Variants in ABCC1 observed in about 807,000 individuals in gnomAD.
ABCC1 encodes ATP binding cassette subfamily C member 1 (ABCC1 blood group), also known as multidrug resistance-associated protein 1.
In ABCC1, 83 loss-of-function variants were observed where a neutral mutation model predicts 172.9. The observed-to-expected ratio is 0.48, with a 90% CI of 0.40 to 0.58. The LOEUF (loss-of-function observed/expected upper bound fraction) is 0.58. Ranked by LOEUF, ABCC1 falls within the 20% of genes least tolerant of loss-of-function variation. The probability of loss-of-function intolerance (pLI) is 0.00; values close to 1 mark genes in which losing one functional copy is unlikely to be tolerated. For synonymous variants in ABCC1, 937 were observed against 825.2 expected, an observed-to-expected ratio of 1.14 and a Z score of -2.32; for missense variants, 1,817 against 2,002.7, an observed-to-expected ratio of 0.91 and a Z score of 1.77.
Position 16,075,703 on chromosome 16 carries a change from G to A in ABCC1, c.1913-623G>A, listed in dbSNP as rs540954254. On this transcript the variant is annotated intron_variant, in intron 14 of 30. Transcript: ENST00000399410. Reference sequence around the variant, plus strand: ...ACACTCTCCCCTTCCCTGTGCCCTCGTACCACACTTCCTGTTCCGTATCCT... The same window carrying A: ...ACACTCTCCCCTTCCCTGTGCCCTCATACCACACTTCCTGTTCCGTATCCT... Among the ~76,000 whole-genome samples the A allele has an allele frequency of 3.3e-4, 51 of 152,274 alleles. No homozygotes were observed. In the Middle Eastern group the frequency reaches 0.01, roughly 30 times the overall value.
At chr16:15,958,639 CCAAA>C (rs1333483055) in intron 1 of ABCC1, among the ~76,000 whole-genome samples, 1 of 152,154 alleles carries the variant, frequency 6.6e-6, no homozygotes. Context: ...GAAAACTTGC[CCAAA>C]CATTTTGCCA....
intron 1 of ABCC1, among the ~76,000 whole-genome samples, chr16:15,970,362 TTGTACCTAGTCA>T (rs2046338183): frequency 6.6e-6 from 1 of 152,196 alleles, no homozygotes; most frequent in Admixed American, 6.5e-5. Flanking sequence ...TCCCATTGGC[TTGTACCTAGTCA>T]TGTGGTGCCT....
At chr16:15,995,442 G>C (rs896824408) in intron 1 of ABCC1, among the ~76,000 whole-genome samples, 34 of 152,058 alleles carry the variant, frequency 2.2e-4, no homozygotes, top group African/African-American at 8.2e-4. Flanking sequence ...ACTAGCACCT[G>C]CCCACCCACC....
intron 7 of ABCC1, among the ~76,000 whole-genome samples, chr16:16,043,614 CTTTT>C (rs2049077857): frequency 1.4e-5 from 2 of 147,426 alleles, no homozygotes; most frequent in Non-Finnish European, 1.5e-5. Context: ...GTTGTTCTTT[CTTTT>C]TGAGATGGAG....
intron 27 of ABCC1, among the ~76,000 whole-genome samples, chr16:16,133,524 C>T: frequency 6.6e-6 from 1 of 152,130 alleles, no homozygotes; most frequent in Non-Finnish European, 1.5e-5. Flanking sequence ...CTGCCTCCGT[C>T]TCCCGAGTAT....
chr16:16,055,229 C>G (rs1484657176), intron 11 of ABCC1, among the ~76,000 whole-genome samples: 1 of 151,140 alleles, frequency 6.6e-6, no homozygotes, highest in Non-Finnish European at 1.5e-5. Flanking sequence ...GATGATGTTT[C>G]CAAAAAAAAA....
rs1460986899 is a variant in ABCC1, at chr16:16,136,468, C to T, written c.4126-10C>T. On this transcript the variant is annotated splice_polypyrimidine_tract_variant and intron_variant, in intron 28 of 30. Transcript: ENST00000399410. ...TGTCACATGCCGTCCACTCTCTTCT[C>T]TCTGAACAGGACCCTGTTTTGTTTT... 8 of 1,613,890 alleles carry T rather than the reference C, an allele frequency of 5.0e-6. No individual in the cohort carries two copies. In the South Asian group the frequency reaches 7.7e-5, roughly 16 times the overall value.
rs2049186387 is a variant in ABCC1, at chr16:16,045,871, C to T, written c.1076C>T (p.Pro359Leu). ...LIKFVNDTKA[P>L]DWQGYFYTVL... ...AAGTTCGTGAATGACACGAAGGCCC[C>T]AGACTGGCAGGGCTACTTCTACACC... is the stretch of plus-strand genomic sequence containing the variant. The change falls in exon 9 of 31, where the codon CCA becomes CTA. Residue 359 changes from proline to leucine, a missense_variant. Coordinates refer to ENST00000399410, the MANE Select transcript of ABCC1 (RefSeq NM_004996.4). The T allele has an allele frequency of 6.2e-7, 1 of 1,614,220 alleles. No individual in the cohort carries two copies. The highest frequency in any genetic ancestry group is 8.5e-7 in the Non-Finnish European group (1 of 1,180,046).
chr16:16,129,142 C>T (rs1435499065), intron 26 of ABCC1, among the ~76,000 whole-genome samples: 1 of 152,190 alleles, frequency 6.6e-6, no homozygotes, highest in Non-Finnish European at 1.5e-5. Context: ...CATACCCCAA[C>T]ACTTTTGTTT....
At chr16:16,109,840 C>T (rs780527578) in intron 21 of ABCC1, among the ~76,000 whole-genome samples, 7 of 152,278 alleles carry the variant, frequency 4.6e-5, no homozygotes, top group African/African-American at 1.4e-4. Flanking sequence ...ACATGTCACA[C>T]GTTGCTTAAA....
chr16:16,075,528 G>A (rs961647515), intron 14 of ABCC1, among the ~76,000 whole-genome samples: 1 of 152,146 alleles, frequency 6.6e-6, no homozygotes, highest in Non-Finnish European at 1.5e-5. Flanking sequence ...TTGCTCAGGA[G>A]GCTGAAGTGG....
chr16:16,094,757 C>T (rs1248326385), intron 19 of ABCC1, among the ~76,000 whole-genome samples: 10 of 150,874 alleles, frequency 6.6e-5, no homozygotes, highest in African/African-American at 1.2e-4. Flanking sequence ...CGTCATGATC[C>T]GCCCGCCTCG....
chr16:16,133,591 A>G (rs1384392211), intron 27 of ABCC1, among the ~76,000 whole-genome samples: 3 of 151,924 alleles, frequency 2.0e-5, no homozygotes, highest in Non-Finnish European at 4.4e-5. Flanking sequence ...TTTAGTAGAG[A>G]TGGGGTTTTA....
At position 15,998,420 on chromosome 16, in the gene ABCC1, C is replaced by G. The variant is rs552272139; in HGVS notation, c.49-9396C>G. On this transcript the variant is annotated intron_variant, in intron 1 of 30. Transcript: ENST00000399410. The stretch of plus-strand genomic sequence containing the variant: ...GGGTTTACAGGCGTGAGCCACTGTG[C>G]CCGGTCCTCAGATGATCTTAGCTTT... 2.0e-5 allele frequency among the ~76,000 whole-genome samples: 3 copies of G among 152,296 alleles called. No individual in the cohort carries two copies. In the South Asian group the frequency reaches 6.2e-4, roughly 32 times the overall value.
intron 1 of ABCC1, among the ~76,000 whole-genome samples, chr16:15,992,375 T>A (rs2384938): frequency 6.6e-6 from 1 of 152,060 alleles, no homozygotes; most frequent in Non-Finnish European, 1.5e-5. Context: ...CCACAAAACC[T>A]ATCCTTGCTG....
chr16:16,015,417 C>T (rs1352046426), intron 4 of ABCC1, among the ~76,000 whole-genome samples: 1 of 152,148 alleles, frequency 6.6e-6, no homozygotes. Context: ...GGATTACAGG[C>T]GTGAGCCACC....
chr16:16,084,068 T>G (rs564137139), intron 17 of ABCC1, among the ~76,000 whole-genome samples: 1 of 152,298 alleles, frequency 6.6e-6, no homozygotes, highest in East Asian at 1.9e-4. Context: ...TAACACTTAC[T>G]GAGCATTTTC....
intron 1 of ABCC1, among the ~76,000 whole-genome samples, chr16:16,004,916 A>G (rs896594992): frequency 2.0e-5 from 3 of 151,806 alleles, no homozygotes; most frequent in Non-Finnish European, 2.9e-5. Flanking sequence ...CTGCCTGCCT[A>G]GGCCTCCCAA....
intron 19 of ABCC1, among the ~76,000 whole-genome samples, chr16:16,102,268 T>C (rs1264750597): frequency 6.6e-6 from 1 of 152,240 alleles, no homozygotes; most frequent in Non-Finnish European, 1.5e-5. Flanking sequence ...ATGCGTTTCC[T>C]TGCATCCTGG....
Sources: allele counts gnomAD v4.1 joint callset (sites outside exome capture counted in the v4.1 genomes callset), GRCh38; gene constraint gnomAD v4.1.1; transcripts MANE v1.5; gene names NCBI Gene and HGNC (gene_info 2026-07-23, HGNC 2026-07-21).